Variants in SNRNP70 observed in about 807,000 individuals in gnomAD.
SNRNP70 encodes small nuclear ribonucleoprotein U1 subunit 70.
SNRNP70 carries 8 observed loss-of-function variants against 50.5 expected under a neutral mutation model. The observed-to-expected ratio is 0.16, with a 90% CI of 0.09 to 0.29. The LOEUF is 0.29. SNRNP70 is among the 10% of genes least tolerant of loss of function. SNRNP70 has a pLI of 1.00. For synonymous variants in SNRNP70, 320 were observed against 252.9 expected (o/e 1.27, Z -2.52); for missense variants, 529 against 663.5 (o/e 0.80, Z 2.23).
intron 4 of SNRNP70, among the ~76,000 whole-genome samples, chr19:49,091,501 G>A (rs912185808): frequency 1.3e-5 from 2 of 152,110 alleles, no homozygotes; most frequent in African/African-American, 4.8e-5. Flanking sequence ...GCTTGGCCTC[G>A]GAGCAGTGGG....
At chr19:49,099,916 C>T (rs2040560869) in intron 6 of SNRNP70, among the ~76,000 whole-genome samples, 1 of 150,554 alleles carries the variant, frequency 6.6e-6, no homozygotes, top group Non-Finnish European at 1.5e-5. Flanking sequence ...TGTCTCGTGC[C>T]TGTGTGTGTG....
chr19:49,085,666 G>A (rs879923585), intron 1 of SNRNP70, 30 bp downstream of exon 1: 2 of 455,610 alleles, frequency 4.4e-6, no homozygotes, highest in African/African-American at 4.0e-5. Context: ...TGGCCCGACG[G>A]GGTGCGGGGC....
rs1398103814 is a variant in SNRNP70, at chr19:49,107,741, T to TG, written c.665+35dup. The TG allele has an allele frequency of 4.4e-5, 71 of 1,610,924 alleles. No homozygotes were observed. Among genetic ancestry groups the TG allele is most frequent in the Non-Finnish European group, 5.9e-5 (69 of 1,179,158 alleles). ...AGATTGGGCGACCGGTGTCCTGGGG[T>TG]GGGGGGCGGTCACGGGGGGAGCCCA... On this transcript the variant is annotated intron_variant, in intron 9 of 9. Coordinates refer to ENST00000598441, the MANE Select transcript of SNRNP70 (RefSeq NM_003089.6). This position sits in a 1 kb window ranked among gnomAD's most constrained non-coding sequence, Gnocchi z 6.0.
rs1042438135 is a variant in SNRNP70 at position 49,107,479 on chromosome 19, G to A, written c.578-146G>A. ...GGCTGTCTTGTGATGGGAGTGCGCG[G>A]GATGAACTGCACGGGGGGACCCGGC... On this transcript the variant is annotated intron_variant, in intron 8 of 9. Coordinates refer to ENST00000598441, the MANE Select transcript of SNRNP70 (RefSeq NM_003089.6). The surrounding 1 kb of genome is among the most constrained non-coding windows in gnomAD (Gnocchi z 6.0). 4.3e-6 allele frequency: 3 copies of A among 691,206 alleles called. No homozygotes were observed. Among genetic ancestry groups the A allele is most frequent in the Non-Finnish European group, 7.6e-6 (3 of 396,112 alleles). The allele number at this position is 691,206 out of a possible 1,614,324, so 42.8% of individuals were successfully genotyped here.
chr19:49,101,671 C>T (rs1199413393), intron 7 of SNRNP70, 200 bp downstream of exon 7: 5 of 566,526 alleles, frequency 8.8e-6, no homozygotes, highest in African/African-American at 3.8e-5. Flanking sequence ...TCCCCCACAA[C>T]GTGTGTGTGT....
Position 49,108,182 on chromosome 19 carries a change from C to T in SNRNP70, c.1053C>T (p.Asp351=). 6.5e-7 allele frequency: 1 copy of T among 1,536,930 alleles called. No homozygotes were observed. The highest frequency in any genetic ancestry group is 8.8e-7 in the Non-Finnish European group (1 of 1,140,802). The part of the protein sequence containing the change: ...DGPEEKGRDR[D]RERRRSHRSE... ...CAGAGGAAAAGGGCCGGGATCGTGA[C>T]CGGGAGCGACGGCGGAGCCACCGGA... The change falls in exon 10 of 10, where the codon GAC becomes GAT. Residue 351 remains aspartate, a synonymous_variant. Transcript: ENST00000598441.
intron 8 of SNRNP70, among the ~76,000 whole-genome samples, chr19:49,105,113 C>G (rs181104907): frequency 6.6e-6 from 1 of 152,106 alleles, no homozygotes; most frequent in Non-Finnish European, 1.5e-5. Flanking sequence ...AAATGTCACT[C>G]GCTCATCTGC....
chr19:49,098,049 T>A (rs2040534890), intron 4 of SNRNP70, among the ~76,000 whole-genome samples: 1 of 152,220 alleles, frequency 6.6e-6, no homozygotes, highest in South Asian at 2.1e-4. Context: ...GGGCATCAGC[T>A]GCATCTCCAG....
In SNRNP70 at chr19:49,101,272, G is replaced by A. The variant is rs115015017; in HGVS notation, c.394-118G>A. On this transcript the variant is annotated intron_variant, in intron 6 of 9. Transcript: ENST00000598441. ...ACATAAGTCACTCAGGGCTCTTGAA[G>A]GACAGAGAGGGTCTGAGGCCTCATC... 4,220 of 731,578 alleles carry A rather than the reference G, an allele frequency of 5.8e-3. 123 individuals are homozygous for A. In the African/African-American group the frequency reaches 0.065, roughly 11 times the overall value. 45.3% of individuals were successfully genotyped at this position (731,578 alleles called of 1,614,324 possible).
intron 4 of SNRNP70, among the ~76,000 whole-genome samples, chr19:49,096,138 A>G (rs935031607): frequency 4.6e-5 from 7 of 151,410 alleles, no homozygotes; most frequent in African/African-American, 1.5e-4. Flanking sequence ...GCTCACTGCA[A>G]TCTCCACCTC....
intron 4 of SNRNP70, among the ~76,000 whole-genome samples, chr19:49,093,693 C>A (rs56326247): frequency 0.36 from 43,681 of 122,080 alleles, 8,368 homozygotes; most frequent in South Asian, 0.45. Context: ...AAAAAAAAAA[C>A]AAAAAAAAAA....
chr19:49,093,230 C>T (rs2040470245), intron 4 of SNRNP70, among the ~76,000 whole-genome samples: 1 of 151,976 alleles, frequency 6.6e-6, no homozygotes, highest in African/African-American at 2.4e-5. Context: ...GCTGGGATTA[C>T]AGGCATGCAC....
chr19:49,093,636 G>C (rs1430508078), intron 4 of SNRNP70, among the ~76,000 whole-genome samples: 1 of 132,548 alleles, frequency 7.5e-6, no homozygotes, highest in Non-Finnish European at 1.6e-5. Context: ...CCGAGATCAC[G>C]CCATTGCACT....
rs3795055 is a variant in SNRNP70, at chr19:49,107,132, T to C, written c.578-493T>C. Among the ~76,000 whole-genome samples the C allele has an allele frequency of 0.62, 94,703 of 151,930 alleles. 29,541 individuals carry two copies. The highest frequency in any genetic ancestry group is 0.65 in the African/African-American group (26,774 of 41,478). Reference sequence around the variant, plus strand: ...GGCAGGAAGGTGAGCGTGGGGACACTGGGAAAGGCCTGGGACACGCAGCCA... The same window carrying C: ...GGCAGGAAGGTGAGCGTGGGGACACCGGGAAAGGCCTGGGACACGCAGCCA... On this transcript the variant is annotated intron_variant, in intron 8 of 9. Coordinates refer to ENST00000598441, the MANE Select transcript of SNRNP70 (RefSeq NM_003089.6). The surrounding 1 kb of genome is among the most constrained non-coding windows in gnomAD (Gnocchi z 6.0).
At chr19:49,092,932 T>C (rs575097831) in intron 4 of SNRNP70, among the ~76,000 whole-genome samples, 2 of 151,394 alleles carry the variant, frequency 1.3e-5, no homozygotes, top group East Asian at 3.9e-4. Context: ...GTTTTGTTCT[T>C]AGGGACAGGG....
At position 49,085,532 on chromosome 19, in the gene SNRNP70, G is replaced by A. The variant is rs2040365259; in HGVS notation, c.-115G>A. On this transcript the variant is annotated 5_prime_UTR_variant, in exon 1 of 10. Transcript: ENST00000598441. ...CGGGCGACGGAATCAGACGGACGTG[G>A]ACGCCCCCGGAGTGGAAGCCGAAGC... 1 of 455,764 alleles carries A rather than the reference G, an allele frequency of 2.2e-6. No individual in the cohort carries two copies. Among genetic ancestry groups the A allele is most frequent in the African/African-American group, 2.0e-5 (1 of 50,070 alleles). 28.2% of individuals were successfully genotyped at this position (455,764 alleles called of 1,614,324 possible). A position where few individuals can be genotyped will look rare whatever the true frequency, so the allele number is the denominator to read the frequency against.
chr19:49,086,499 C>G lies in SNRNP70; in HGVS notation c.85C>G (p.Pro29Ala). 6.2e-7 allele frequency: 1 copy of G among 1,614,066 alleles called. No homozygotes were observed. The highest frequency in any genetic ancestry group is 8.5e-7 in the Non-Finnish European group (1 of 1,180,004). The change falls in exon 2 of 10, where the codon CCA becomes GCA. Residue 29 changes from proline to alanine, a missense_variant. This residue lies in a region of SNRNP70 where 149 missense variants were observed against 259.7 expected (regional missense o/e 0.57). Transcript: ENST00000598441. The part of the protein sequence containing the change: ...IPYLPPLEKL[P>A]HEKHHNQPYC... ...ATACCTGCCACCCCTGGAGAAACTG[C>G]CACATGAAAAACACCACAATCAACC...
At chr19:49,094,656 T>G (rs955833379) in intron 4 of SNRNP70, among the ~76,000 whole-genome samples, 13 of 152,256 alleles carry the variant, frequency 8.5e-5, no homozygotes, top group East Asian at 3.9e-4. Flanking sequence ...TGGATCAAGT[T>G]CAGTAGGGTT....
At chr19:49,106,410 C>G (rs1260939044) in intron 8 of SNRNP70, among the ~76,000 whole-genome samples, 1 of 152,114 alleles carries the variant, frequency 6.6e-6, no homozygotes, top group African/African-American at 2.4e-5. Context: ...TAGTTGTATT[C>G]TGCTGTTTTG....
Sources: gnomAD v4.1 joint callset for allele counts (sites outside exome capture counted in the v4.1 genomes callset) on GRCh38, gnomAD v4.1.1 for gene constraint, gnomAD v4.1.1 regional missense constraint, Gnocchi (gnomAD v3.1) non-coding constraint, MANE v1.5 for transcripts, NCBI Gene and HGNC (gene_info 2026-07-23, HGNC 2026-07-21) for gene names.